Variants in BRINP3 observed in about 807,000 individuals in gnomAD.
The protein encoded by BRINP3 is BMP/retinoic acid inducible neural specific 3.
In BRINP3, 19 loss-of-function variants were observed where a neutral mutation model predicts 71.0. The observed-to-expected ratio is 0.27, with a 90% CI of 0.19 to 0.39. The LOEUF (loss-of-function observed/expected upper bound fraction) is 0.39, where lower values mean the gene tolerates loss of function less well. Ranked by LOEUF, BRINP3 falls within the 10% of genes least tolerant of loss-of-function variation. The pLI, the probability that BRINP3 is intolerant of heterozygous loss-of-function variation, is 1.00. For missense variants in BRINP3, 959 were observed against 940.8 expected (o/e 1.02, Z -0.25); for synonymous variants, 380 against 337.7 (o/e 1.13, Z -1.37).
At chr1:190,334,035 A>G (rs920180331) in intron 2 of BRINP3, among the ~76,000 whole-genome samples, 1 of 151,894 alleles carries the variant, frequency 6.6e-6, no homozygotes. Context: ...ATGAGCATGC[A>G]CTTCCTTCCC....
At chr1:190,387,743 T>A (rs1267081821) in intron 2 of BRINP3, among the ~76,000 whole-genome samples, 1 of 151,866 alleles carries the variant, frequency 6.6e-6, no homozygotes, top group Non-Finnish European at 1.5e-5. Context: ...CCTCTCTTTT[T>A]ACTTTGATAA....
chr1:190,371,983 C>T (rs895044576), intron 2 of BRINP3, among the ~76,000 whole-genome samples: 1 of 152,100 alleles, frequency 6.6e-6, no homozygotes, highest in Non-Finnish European at 1.5e-5. Flanking sequence ...TAAAATGGCA[C>T]AGGATGAAAA....
intron 7 of BRINP3, among the ~76,000 whole-genome samples, chr1:190,104,220 A>C (rs1651943087): frequency 6.6e-6 from 1 of 151,976 alleles, no homozygotes; most frequent in African/African-American, 2.4e-5. Context: ...GTGATGTAAC[A>C]TTTAGGTTCT....
At chr1:190,387,772 C>T (rs1434394879) in intron 2 of BRINP3, among the ~76,000 whole-genome samples, 1 of 151,844 alleles carries the variant, frequency 6.6e-6, no homozygotes, top group Non-Finnish European at 1.5e-5. Context: ...TTCTTGATGA[C>T]CTCCTCCAGC....
chr1:190,166,647 A>G (rs79912540), intron 6 of BRINP3, among the ~76,000 whole-genome samples: 116 of 152,226 alleles, frequency 7.6e-4, no homozygotes, highest in Non-Finnish European at 1.1e-3. Context: ...TGCAGCAGTA[A>G]TGGTAATGGT....
intron 2 of BRINP3, among the ~76,000 whole-genome samples, chr1:190,383,801 T>C (rs1670705148): frequency 6.6e-6 from 1 of 152,002 alleles, no homozygotes; most frequent in African/African-American, 2.4e-5. Context: ...ATACAGATAT[T>C]AAATATCATT....
intron 2 of BRINP3, among the ~76,000 whole-genome samples, chr1:190,360,567 GC>G (rs1384898517): frequency 6.6e-6 from 1 of 152,070 alleles, no homozygotes; most frequent in African/African-American, 2.4e-5. Flanking sequence ...AATTCAAATT[GC>G]CTTTTGAAAT....
At chr1:190,328,456 G>A (rs1442967537) in intron 2 of BRINP3, among the ~76,000 whole-genome samples, 4 of 151,888 alleles carry the variant, frequency 2.6e-5, no homozygotes, top group Non-Finnish European at 5.9e-5. Flanking sequence ...AGAAAATCTA[G>A]AGGACACATA....
At chr1:190,282,248 C>CT (rs11421241) in intron 2 of BRINP3, among the ~76,000 whole-genome samples, 6,176 of 144,618 alleles carry the variant, frequency 0.043, 202 homozygotes, top group African/African-American at 0.083. Flanking sequence ...CAGTTTTCTT[C>CT]TTTTTTTTTT....
At chr1:190,210,732 C>T (rs1655911576) in intron 6 of BRINP3, among the ~76,000 whole-genome samples, 1 of 151,956 alleles carries the variant, frequency 6.6e-6, no homozygotes, top group African/African-American at 2.4e-5. Flanking sequence ...ACTTGATTGG[C>T]AAAGTATTGT....
At chr1:190,139,267 G>A (rs746320500) in intron 7 of BRINP3, among the ~76,000 whole-genome samples, 1 of 151,700 alleles carries the variant, frequency 6.6e-6, no homozygotes, top group Non-Finnish European at 1.5e-5. Flanking sequence ...GGGCAACATG[G>A]TGAAACCCCC....
Position 190,214,783 on chromosome 1 carries a change from C to T in BRINP3, c.961+11299G>A, listed in dbSNP as rs563421354. Reference sequence around the variant, plus strand: ...AGGAAGAAGTCAATGGTATAACTCACGCTGTAACTCAAGGATTTGGGGAAT... The same window carrying T: ...AGGAAGAAGTCAATGGTATAACTCATGCTGTAACTCAAGGATTTGGGGAAT... On this transcript the variant is annotated intron_variant, in intron 6 of 7. Coordinates refer to ENST00000367462, the MANE Select transcript of BRINP3 (RefSeq NM_199051.3). Among the ~76,000 whole-genome samples, 56 of 152,054 alleles carry T rather than the reference C, an allele frequency of 3.7e-4. 1 individual carries two copies. In the South Asian group the frequency reaches 7.5e-3, roughly 20 times the overall value.
chr1:190,366,503 T>G (rs967982188), intron 2 of BRINP3, among the ~76,000 whole-genome samples: 30 of 152,148 alleles, frequency 2.0e-4, no homozygotes, highest in African/African-American at 7.0e-4. Flanking sequence ...ATTATATCAT[T>G]CCACCTTTGG....
At chr1:190,332,567 T>TA (rs1166014834) in intron 2 of BRINP3, among the ~76,000 whole-genome samples, 1 of 152,020 alleles carries the variant, frequency 6.6e-6, no homozygotes, top group African/African-American at 2.4e-5. Context: ...TGTCTACCGT[T>TA]ACAATGCCAG....
At chr1:190,173,578 G>C (rs1652220330) in intron 6 of BRINP3, among the ~76,000 whole-genome samples, 1 of 152,110 alleles carries the variant, frequency 6.6e-6, no homozygotes, top group African/African-American at 2.4e-5. Flanking sequence ...AGCAAGAATG[G>C]AAGTCTTTAA....
chr1:190,396,561 T>C (rs891842355), intron 2 of BRINP3, among the ~76,000 whole-genome samples: 1 of 151,494 alleles, frequency 6.6e-6, no homozygotes, highest in African/African-American at 2.4e-5. Flanking sequence ...AGTTCTAAAG[T>C]GGCCATCAAT....
chr1:190,374,660 T>C (rs1389660622), intron 2 of BRINP3, among the ~76,000 whole-genome samples: 1 of 151,692 alleles, frequency 6.6e-6, no homozygotes, highest in African/African-American at 2.4e-5. Flanking sequence ...CAAAGACCCA[T>C]AGAAGACATA....
intron 7 of BRINP3, among the ~76,000 whole-genome samples, chr1:190,127,357 A>G (rs1319326553): frequency 6.6e-6 from 1 of 151,896 alleles, no homozygotes; most frequent in Non-Finnish European, 1.5e-5. Flanking sequence ...TAAAGTATTT[A>G]TAGTTATTCA....
chr1:190,164,120 AC>A (rs2102470518), intron 6 of BRINP3, among the ~76,000 whole-genome samples: 1 of 152,136 alleles, frequency 6.6e-6, no homozygotes, highest in Non-Finnish European at 1.5e-5. Context: ...TCAGATACAT[AC>A]CCCCGATTGG....
Sources: gnomAD v4.1 joint callset for allele counts (sites outside exome capture counted in the v4.1 genomes callset) on GRCh38, gnomAD v4.1.1 for gene constraint, MANE v1.5 for transcripts, NCBI Gene and HGNC (gene_info 2026-07-23, HGNC 2026-07-21) for gene names.